SMU1: variants seen among roughly 807,000 people sequenced by gnomAD.
SMU1 encodes the protein WD40 repeat-containing protein SMU1.
A neutral mutation model predicts 62.0 loss-of-function variants in SMU1; 2 were observed. The ratio of observed to expected loss-of-function variants is 0.03; its 90% CI spans 0.01 to 0.10. SMU1 has a LOEUF of 0.10. Among genes scored for constraint, SMU1 ranks in the 10% least tolerant of loss-of-function variants. SMU1 has a pLI of 1.00. For missense variants in SMU1, 227 were observed against 622.1 expected, an observed-to-expected ratio of 0.36 and a Z score of 6.76; for synonymous variants, 188 against 212.4, an observed-to-expected ratio of 0.89 and a Z score of 1.00.
At chr9:33,074,781 T>C (rs1395729540) in intron 1 of SMU1, among the ~76,000 whole-genome samples, 2 of 151,204 alleles carry the variant, frequency 1.3e-5, no homozygotes, top group Non-Finnish European at 3.0e-5. Flanking sequence ...TCTTTTTTTT[T>C]TTTTTTTTTG....
chr9:33,073,522 A>G (rs376351033), intron 2 of SMU1, 74 bp downstream of exon 2: 1 of 1,041,892 alleles, frequency 9.6e-7, no homozygotes. Flanking sequence ...AGGAATGCTC[A>G]CTGACGCTTT....
intron 6 of SMU1, among the ~76,000 whole-genome samples, chr9:33,058,530 C>T (rs534184705): frequency 5.9e-5 from 9 of 152,152 alleles, no homozygotes; most frequent in African/African-American, 1.9e-4. Flanking sequence ...TTAGCCAGGC[C>T]GGCCTTGAAC....
intron 1 of SMU1, among the ~76,000 whole-genome samples, chr9:33,076,292 T>G (rs1839545145): frequency 6.6e-6 from 1 of 152,160 alleles, no homozygotes; most frequent in Admixed American, 6.6e-5. Context: ...GATCCTTAAT[T>G]TGGTCAATCA....
rs540190554 is a variant in SMU1, at chr9:33,044,572, G to C, written c.*2721C>G. The C allele has an allele frequency of 2.6e-5, 4 of 152,394 alleles. No homozygotes were observed. The East Asian group carries it at 7.7e-4, about 29-fold the overall frequency. The allele number at this position is 152,394 out of a possible 1,614,324, so 9.4% of individuals were successfully genotyped here. On this transcript the variant is annotated 3_prime_UTR_variant, in exon 12 of 12. Coordinates refer to ENST00000397149, the MANE Select transcript of SMU1 (RefSeq NM_018225.3). ...CCTTCAATGCTGGAGGGACGGCCGC[G>C]TGGGGCTTCAGAAAGGCTAGGCGCC... is the stretch of plus-strand genomic sequence containing the variant.
chr9:33,073,757 C>A lies in SMU1; in HGVS notation c.76G>T (p.Ala26Ser). Residue 26 changes from alanine to serine, a missense_variant, in exon 2 of 12, where the codon GCG becomes TCG. Around this residue, in one of 5 missense-constraint regions of SMU1, gnomAD observed 99 missense variants for 270.3 expected, o/e 0.37. Transcript: ENST00000397149. ...QYLKENSLHRALATLQEETTV... is the reference protein window; with the variant it reads ...QYLKENSLHRSLATLQEETTV... ...GTCTCCTCCTGCAAGGTGGCTAACGCCCGATGTAAACTGTTCTCCTTCAAG... is the reference window on the plus strand; with the variant it reads ...GTCTCCTCCTGCAAGGTGGCTAACGACCGATGTAAACTGTTCTCCTTCAAG... 1 of 1,614,186 alleles carries A rather than the reference C, an allele frequency of 6.2e-7. No individual in the cohort carries two copies. Among genetic ancestry groups the A allele is most frequent in the Non-Finnish European group, 8.5e-7 (1 of 1,180,034 alleles).
chr9:33,073,923 G>A, intron 1 of SMU1, 117 bp from the exon 2 acceptor site: 1 of 989,354 alleles, frequency 1.0e-6, no homozygotes, highest in East Asian at 2.6e-5. Context: ...TATCATGTGA[G>A]TAAAATTTTC....
chr9:33,070,450 C>CAA (rs1405593482), intron 3 of SMU1, among the ~76,000 whole-genome samples: 2 of 152,164 alleles, frequency 1.3e-5, no homozygotes, highest in African/African-American at 4.8e-5. Context: ...TAAATTAGTA[C>CAA]AACCACTATG....
At chr9:33,047,463 TGGGTG>T in intron 11 of SMU1, 72 bp from the exon 12 acceptor site, 2 of 1,267,574 alleles carry the variant, frequency 1.6e-6, no homozygotes, top group Admixed American at 2.1e-5. Context: ...CTTCCAGAGG[TGGGTG>T]GAAGGGAAAA....
intron 11 of SMU1, among the ~76,000 whole-genome samples, chr9:33,047,729 T>C (rs1451974014): frequency 6.6e-6 from 1 of 152,018 alleles, no homozygotes; most frequent in Non-Finnish European, 1.5e-5. Context: ...AGTGGTGGCA[T>C]GTGCCTGTAG....
intron 10 of SMU1, among the ~76,000 whole-genome samples, chr9:33,049,668 T>C (rs1190714983): frequency 6.6e-6 from 1 of 152,258 alleles, no homozygotes; most frequent in Non-Finnish European, 1.5e-5. Flanking sequence ...CAGTGGCTCA[T>C]GCCTGTAATC....
chr9:33,069,864 G>A (rs770453193), intron 3 of SMU1, among the ~76,000 whole-genome samples: 7 of 152,112 alleles, frequency 4.6e-5, no homozygotes, highest in Non-Finnish European at 8.8e-5. Context: ...GGTGGCTCAT[G>A]CCTGTCATCC....
At position 33,050,903 on chromosome 9, in the gene SMU1, C is replaced by T. The variant is rs1291350074; in HGVS notation, c.1290+2220G>A. Among the ~76,000 whole-genome samples the T allele has an allele frequency of 8.2e-5, 6 of 73,108 alleles. 1 individual carries two copies. The South Asian group carries it at 9.0e-4, about 11-fold the overall frequency. 48.0% of individuals were successfully genotyped at this position (73,108 alleles called of 152,430 possible). A position where few individuals can be genotyped will look rare whatever the true frequency, so the allele number is the denominator to read the frequency against. On this transcript the variant is annotated intron_variant, in intron 10 of 11. Transcript: ENST00000397149. ...TTGGGAGGCCGAGGCGGGCGGATCA[C>T]GAGGTCAGGAGATCGAGACCATCCT...
intron 4 of SMU1, among the ~76,000 whole-genome samples, chr9:33,066,963 G>A (rs980273696): frequency 1.3e-5 from 2 of 152,014 alleles, no homozygotes; most frequent in Non-Finnish European, 2.9e-5. Context: ...AAGGGCCTCA[G>A]GAAAGATATC....
Position 33,053,295 on chromosome 9 carries a change from C to T in SMU1, c.1123-5G>A. The T allele has an allele frequency of 6.2e-7, 1 of 1,611,326 alleles. No individual in the cohort carries two copies. Among genetic ancestry groups the T allele is most frequent in the Non-Finnish European group, 8.5e-7 (1 of 1,179,632 alleles). On this transcript the variant is annotated splice_region_variant and splice_polypyrimidine_tract_variant and intron_variant, in intron 9 of 11. Coordinates refer to ENST00000397149, the MANE Select transcript of SMU1 (RefSeq NM_018225.3). ...TGTGGTCTTCATATTCCAGATCTAC[C>T]ACACAGAAATTTAAGTTATAAACCT...
intron 3 of SMU1, among the ~76,000 whole-genome samples, chr9:33,070,797 T>C (rs1839477111): frequency 6.6e-6 from 1 of 152,208 alleles, no homozygotes; most frequent in Non-Finnish European, 1.5e-5. Context: ...ACTTTGCATG[T>C]TCTCATTTAT....
At chr9:33,049,848 A>C (rs1839224423) in intron 10 of SMU1, among the ~76,000 whole-genome samples, 1 of 152,054 alleles carries the variant, frequency 6.6e-6, no homozygotes, top group South Asian at 2.1e-4. Flanking sequence ...TGAGGCTGGA[A>C]GATTTCTTGA....
chr9:33,050,230 C>A (rs1176669157), intron 10 of SMU1, among the ~76,000 whole-genome samples: 1 of 152,148 alleles, frequency 6.6e-6, no homozygotes, highest in African/African-American at 2.4e-5. Context: ...AGAACACTGA[C>A]CACACTCAAT....
chr9:33,059,835 C>T (rs1839343622), intron 6 of SMU1, among the ~76,000 whole-genome samples: 1 of 151,704 alleles, frequency 6.6e-6, no homozygotes, highest in Non-Finnish European at 1.5e-5. Flanking sequence ...TTGTCTCAAA[C>T]TCCTGACCTC....
chr9:33,055,318 A>C (rs144259459), intron 9 of SMU1, among the ~76,000 whole-genome samples: 4 of 152,186 alleles, frequency 2.6e-5, no homozygotes, highest in Non-Finnish European at 5.9e-5. Flanking sequence ...CTAGGAATAC[A>C]GGTATACGCC....
Sources: allele counts gnomAD v4.1 joint callset (sites outside exome capture counted in the v4.1 genomes callset), GRCh38; gene constraint gnomAD v4.1.1; regional missense constraint gnomAD v4.1.1; transcripts MANE v1.5; gene names NCBI Gene and HGNC (gene_info 2026-07-23, HGNC 2026-07-21).